The following GAK variants were observed in gnomAD, a reference collection of about 807,000 sequenced individuals.
The protein encoded by GAK is cyclin G associated kinase, also known as cyclin-G-associated kinase.
Under a neutral mutation model 143.9 loss-of-function variants are expected in GAK, and 79 were observed. The ratio of observed to expected loss-of-function variants is 0.55; its 90% CI spans 0.46 to 0.66. The LOEUF is 0.66. Among genes scored for constraint, GAK ranks in the 30% least tolerant of loss-of-function variants. The pLI, the probability that GAK is intolerant of heterozygous loss-of-function variation, is 0.00. For synonymous variants in GAK, 881 were observed against 765.5 expected (o/e 1.15, Z -2.49); for missense variants, 1,693 against 1,779.7 (o/e 0.95, Z 0.88).
At chr4:881,765 A>ATGGCTGAGCCC in intron 15 of GAK, 142 bp downstream of exon 15, 1 of 1,053,452 alleles carries the variant, frequency 9.5e-7, no homozygotes, top group Non-Finnish European at 1.3e-6. Flanking sequence ...GGGCTCAGCC[A>ATGGCTGAGCCC]TGGCTCCGCG....
rs760610274 is a variant in GAK at position 893,921 on chromosome 4, G to A, written c.830C>T (p.Ser277Leu). Residue 277 changes from serine to leucine, a missense_variant, in exon 8 of 28, where the codon TCG (serine) becomes TTG (leucine). Coordinates refer to ENST00000314167, the MANE Select transcript of GAK (RefSeq NM_005255.4). The stretch of plus-strand genomic sequence containing the variant: ...GTACTGCGTGTCGTGCGGGGGGATC[G>A]AGTACTTCCCATTGACTATTCGAAG... ...AKLRIVNGKY[S>L]IPPHDTQYTV... is the part of the protein sequence containing the mutation. 26 of 1,612,390 alleles carry A rather than the reference G, an allele frequency of 1.6e-5. No individual in the cohort carries two copies. The highest frequency in any genetic ancestry group is 5.3e-5 in the African/African-American group (4 of 74,910).
chr4:926,228 G>C (rs552942456), intron 1 of GAK, among the ~76,000 whole-genome samples: 1 of 152,304 alleles, frequency 6.6e-6, no homozygotes, highest in African/African-American at 2.4e-5. Flanking sequence ...TGACCTCCCT[G>C]TATGTTAACA....
At chr4:906,070 A>T (rs1482504585) in intron 4 of GAK, among the ~76,000 whole-genome samples, 1 of 152,176 alleles carries the variant, frequency 6.6e-6, no homozygotes, top group Non-Finnish European at 1.5e-5. Flanking sequence ...CCACATCGGC[A>T]TCCCAGCAGT....
At chr4:896,051 C>T (rs566578659) in intron 7 of GAK, among the ~76,000 whole-genome samples, 1 of 152,304 alleles carries the variant, frequency 6.6e-6, no homozygotes, top group Non-Finnish European at 1.5e-5. Context: ...CGCTTGAGCT[C>T]AGGAGTTCGA....
intron 24 of GAK, among the ~76,000 whole-genome samples, chr4:858,696 T>C (rs2061846): frequency 0.17 from 26,227 of 152,218 alleles, 2,414 homozygotes; most frequent in Middle Eastern, 0.31. Flanking sequence ...ACTTCAGATG[T>C]GAGCTCGCAA....
In GAK at chr4:850,044, C is replaced by T. The variant is rs780415271; in HGVS notation, c.3682G>A (p.Glu1228Lys). 3 of 1,593,736 alleles carry T rather than the reference C, an allele frequency of 1.9e-6. No homozygotes were observed. Among genetic ancestry groups the T allele is most frequent in the Non-Finnish European group, 1.7e-6 (2 of 1,167,014 alleles). Residue 1228 changes from glutamate to lysine, a missense_variant, in exon 27 of 28, where the codon GAG (glutamate) becomes AAG (lysine). Coordinates refer to ENST00000314167, the MANE Select transcript of GAK (RefSeq NM_005255.4). ...GACAGCAGGGCCCGGATGTTCCGCT[C>T]CTTGCCCTCAATCCAGTCCAGGAGC... Reference protein sequence around the residue: ...LKLLDWIEGKERNIRALLSTL... With the variant: ...LKLLDWIEGKKRNIRALLSTL...
intron 10 of GAK, 26 bp from the exon 11 acceptor site, chr4:888,996 G>GCCCCAGGTGCTCGGTCCCACCT (rs1717113050): frequency 6.2e-7 from 1 of 1,600,984 alleles, no homozygotes. Flanking sequence ...GTCTCAGCAG[G>GCCCCAGGTGCTCGGTCCCACCT]CCCCAGGTGC....
chr4:853,311 A>T (rs1054291137), intron 24 of GAK: 5 of 152,240 alleles, frequency 3.3e-5, no homozygotes, highest in African/African-American at 1.2e-4. Flanking sequence ...GTTTGGCTAC[A>T]ACAGACACGT....
chr4:931,432 C>G (rs570923039), intron 1 of GAK, among the ~76,000 whole-genome samples: 1 of 150,642 alleles, frequency 6.6e-6, no homozygotes. Flanking sequence ...CCCCACCCCC[C>G]AGGCTACAAC....
chr4:912,665 G>T, intron 3 of GAK, 70 bp downstream of exon 3: 1 of 1,277,868 alleles, frequency 7.8e-7, no homozygotes. Context: ...GCCACTGGCG[G>T]TCACAGCTTG....
At chr4:859,466 G>A (rs762707280) in intron 24 of GAK, 140 bp downstream of exon 24, 90 of 1,600,084 alleles carry the variant, frequency 5.6e-5, no homozygotes, top group Non-Finnish European at 2.6e-5. Flanking sequence ...CTGTCCCCTT[G>A]GGCTCACTGT....
intron 22 of GAK, 30 bp from the exon 23 acceptor site, chr4:865,274 G>A (rs1191908058): frequency 1.2e-6 from 2 of 1,612,102 alleles, no homozygotes; most frequent in East Asian, 2.2e-5. Flanking sequence ...AGAGAGCACA[G>A]TTTGGTGTCT....
At chr4:911,566 G>T in intron 4 of GAK, 107 bp downstream of exon 4, 1 of 759,232 alleles carries the variant, frequency 1.3e-6, no homozygotes. Flanking sequence ...AACACAGCTT[G>T]AGAGAAGATG....
At chr4:912,914 C>T (rs983180847) in intron 2 of GAK, 120 bp from the exon 3 acceptor site, 2 of 707,412 alleles carry the variant, frequency 2.8e-6, no homozygotes, top group Non-Finnish European at 2.3e-6. Flanking sequence ...ATACAGCTCC[C>T]CCCGTTTCGT....
chr4:913,485 G>A (rs1487884106), intron 2 of GAK, 122 bp downstream of exon 2: 13 of 781,246 alleles, frequency 1.7e-5, no homozygotes, highest in East Asian at 1.0e-4. Flanking sequence ...AAAGGGACAA[G>A]TATGTCCAGG....
At chr4:865,368 G>A in intron 22 of GAK, 124 bp from the exon 23 acceptor site, 1 of 1,238,742 alleles carries the variant, frequency 8.1e-7, no homozygotes, top group Non-Finnish European at 1.1e-6. Flanking sequence ...CTGAGCTGAG[G>A]CTGGGCTGAC....
At chr4:862,337 T>C (rs1176759660) in intron 23 of GAK, among the ~76,000 whole-genome samples, 1 of 152,188 alleles carries the variant, frequency 6.6e-6, no homozygotes, top group Non-Finnish European at 1.5e-5. Flanking sequence ...AGACTCTCCA[T>C]GCAGATATAA....
Position 893,299 on chromosome 4 carries a change from CT to C in GAK, c.990+77del, listed in dbSNP as rs549442866. 240 of 1,088,140 alleles carry C rather than the reference CT, an allele frequency of 2.2e-4. No homozygotes were observed. The Middle Eastern group carries it at 2.4e-3, about 11-fold the overall frequency. 67.4% of individuals were successfully genotyped at this position (1,088,140 alleles called of 1,614,324 possible). A position where few individuals can be genotyped will look rare whatever the true frequency, so the allele number is the denominator to read the frequency against. ...TGGGGCTCACATGTGCCTCCCTCCCCTCTGCGGGGGATCTGGGGCTCATGTG... is the reference window on the plus strand; with the variant it reads ...TGGGGCTCACATGTGCCTCCCTCCCCCTGCGGGGGATCTGGGGCTCATGTG... On this transcript the variant is annotated intron_variant, in intron 9 of 27. Transcript: ENST00000314167.
chr4:932,123 C>A lies in GAK; in HGVS notation c.65G>T (p.Gly22Val), dbSNP rs775924343. The change falls in exon 1 of 28, where the codon GGC becomes GTC. Residue 22 changes from glycine to valine, a missense_variant. Transcript: ENST00000314167. The surrounding 1 kb of genome is among the most constrained non-coding windows in gnomAD (Gnocchi z 4.0). ...CCCCACGAAGTCACTCTGGTCGCGG[C>A]CGGAAGCACCGCCCAGGGAGCCTGG... is the stretch of plus-strand genomic sequence containing the variant. The part of the protein sequence containing the change: ...AGPGSLGGAS[G>V]RDQSDFVGQT... 1.3e-6 allele frequency: 2 copies of A among 1,591,424 alleles called. No individual in the cohort carries two copies. The highest frequency in any genetic ancestry group is 2.3e-5 in the East Asian group (1 of 43,608).
Sources: gnomAD v4.1 joint callset for allele counts (sites outside exome capture counted in the v4.1 genomes callset) on GRCh38, gnomAD v4.1.1 for gene constraint, Gnocchi (gnomAD v3.1) non-coding constraint, MANE v1.5 for transcripts, NCBI Gene and HGNC (gene_info 2026-07-23, HGNC 2026-07-21) for gene names.